The following JAZF1 variants were observed in gnomAD, a reference collection of about 807,000 sequenced individuals.
JAZF1 encodes juxtaposed with another zinc finger protein 1.
JAZF1 carries 8 observed loss-of-function variants against 26.4 expected under a neutral mutation model. The ratio of observed to expected loss-of-function variants is 0.30; its 90% CI spans 0.18 to 0.55. JAZF1 has a LOEUF of 0.55. JAZF1 is among the 20% of genes least tolerant of loss of function. The probability of loss-of-function intolerance (pLI) is 0.94; values close to 1 mark genes in which losing one functional copy is unlikely to be tolerated. For synonymous variants in JAZF1, 126 were observed against 122.3 expected, an observed-to-expected ratio of 1.03 and a Z score of -0.20; for missense variants, 199 against 322.0, an observed-to-expected ratio of 0.62 and a Z score of 2.92.
In JAZF1 at chr7:27,860,897, T is replaced by G. The variant is rs189534056; in HGVS notation, c.386-20030A>C. On this transcript the variant is annotated intron_variant, in intron 3 of 4. Coordinates refer to ENST00000283928, the MANE Select transcript of JAZF1 (RefSeq NM_175061.4). ...GTCCCTCCTTTTTCCTAAGAGACAG[T>G]CTTTGGGCACCTGGTGCCCTCTGTC... Among the ~76,000 whole-genome samples, 239 of 152,192 alleles carry G rather than the reference T, an allele frequency of 1.6e-3. 1 individual carries two copies. Among genetic ancestry groups the G allele is most frequent in the African/African-American group, 5.4e-3 (224 of 41,522 alleles).
At chr7:27,888,919 A>G (rs936694002) in intron 3 of JAZF1, among the ~76,000 whole-genome samples, 21 of 152,216 alleles carry the variant, frequency 1.4e-4, no homozygotes, top group African/African-American at 4.6e-4. Context: ...AAACCCAGCC[A>G]GCTCTTTCCA....
At chr7:28,168,502 G>C (rs1160998273) in intron 1 of JAZF1, among the ~76,000 whole-genome samples, 1 of 151,916 alleles carries the variant, frequency 6.6e-6, no homozygotes, top group Non-Finnish European at 1.5e-5. Context: ...ACTCCAACAT[G>C]GCAACACTGG....
At chr7:27,902,700 G>A (rs1784185208) in intron 2 of JAZF1, among the ~76,000 whole-genome samples, 1 of 152,194 alleles carries the variant, frequency 6.6e-6, no homozygotes, top group African/African-American at 2.4e-5. Context: ...CTTAACAAAT[G>A]TCAGGTTCCT....
At chr7:28,046,464 T>G (rs1783497953) in intron 1 of JAZF1, among the ~76,000 whole-genome samples, 1 of 152,228 alleles carries the variant, frequency 6.6e-6, no homozygotes, top group Non-Finnish European at 1.5e-5. Flanking sequence ...AGGGGACATT[T>G]AGGCTGTCCC....
At chr7:28,179,935 C>A (rs1391967214) in intron 1 of JAZF1, among the ~76,000 whole-genome samples, 1 of 145,396 alleles carries the variant, frequency 6.9e-6, no homozygotes, top group Non-Finnish European at 1.5e-5. Context: ...TCCACCTCCC[C>A]GCGGCTGCAG....
At chr7:28,094,149 G>C (rs1784344737) in intron 1 of JAZF1, among the ~76,000 whole-genome samples, 1 of 152,224 alleles carries the variant, frequency 6.6e-6, no homozygotes, top group Non-Finnish European at 1.5e-5. Flanking sequence ...AATCAGCAAT[G>C]TAACCCTCTG....
chr7:28,091,242 CTG>C (rs1277317050), intron 1 of JAZF1, among the ~76,000 whole-genome samples: 1 of 152,038 alleles, frequency 6.6e-6, no homozygotes, highest in Admixed American at 6.5e-5. Flanking sequence ...GCACTTTCTT[CTG>C]TCAACCTGAA....
chr7:28,123,127 T>C (rs912218303), intron 1 of JAZF1, among the ~76,000 whole-genome samples: 2 of 151,574 alleles, frequency 1.3e-5, no homozygotes, highest in African/African-American at 2.4e-5. Flanking sequence ...CTAGCCACAC[T>C]GCCCTTTTCT....
intron 2 of JAZF1, among the ~76,000 whole-genome samples, chr7:27,916,192 G>A (rs1393209275): frequency 6.6e-6 from 1 of 151,478 alleles, no homozygotes; most frequent in African/African-American, 2.4e-5. Flanking sequence ...AAGGACATTA[G>A]TTACACCTAA....
intron 1 of JAZF1, among the ~76,000 whole-genome samples, chr7:28,108,035 C>T (rs958861079): frequency 2.6e-5 from 4 of 152,168 alleles, no homozygotes; most frequent in Admixed American, 1.3e-4. Context: ...CTGATCAGAC[C>T]TGGGGGGTGG....
In JAZF1 at chr7:27,992,336, T is replaced by C. The variant is rs144552599; in HGVS notation, c.116-355A>G. On this transcript the variant is annotated intron_variant, in intron 1 of 4. Transcript: ENST00000283928. ...GAAAGAAAGTCTCTGTTAATTATGC[T>C]CACTTCAATGCTGGAACAAATTAGT... 1,285 of 407,772 alleles carry C rather than the reference T, an allele frequency of 3.2e-3. 14 individuals carry two copies. The highest frequency in any genetic ancestry group is 0.026 in the African/African-American group (1,229 of 47,640). 25.3% of individuals were successfully genotyped at this position (407,772 alleles called of 1,614,324 possible). A position where few individuals can be genotyped will look rare whatever the true frequency, so the allele number is the denominator to read the frequency against.
chr7:28,068,937 C>T (rs1052870027), intron 1 of JAZF1, among the ~76,000 whole-genome samples: 1 of 152,220 alleles, frequency 6.6e-6, no homozygotes, highest in African/African-American at 2.4e-5. Flanking sequence ...TGCCTGGTAT[C>T]ATAGCAACCA....
Position 28,169,908 on chromosome 7 carries a change from C to T in JAZF1, c.115+10555G>A, listed in dbSNP as rs76256603. Reference sequence around the variant, plus strand: ...AATGAATTAGGTAAGAAAACGAGTGCTTCAATTTTAAGCCCAGATGTGCTC... The same window carrying T: ...AATGAATTAGGTAAGAAAACGAGTGTTTCAATTTTAAGCCCAGATGTGCTC... On this transcript the variant is annotated intron_variant, in intron 1 of 4. Coordinates refer to ENST00000283928, the MANE Select transcript of JAZF1 (RefSeq NM_175061.4). Among the ~76,000 whole-genome samples the T allele has an allele frequency of 0.012, 1,872 of 152,220 alleles. 127 individuals are homozygous for T. The East Asian group carries it at 0.22, about 18-fold the overall frequency.
chr7:28,170,335 A>ATGTGTG (rs1783436475), intron 1 of JAZF1, among the ~76,000 whole-genome samples: 3 of 140,082 alleles, frequency 2.1e-5, no homozygotes, highest in South Asian at 2.4e-4. Context: ...AGAGAAGTTG[A>ATGTGTG]TATGTGTGTG....
chr7:28,082,747 C>T lies in JAZF1; in HGVS notation c.116-90766G>A, dbSNP rs897067683. Among the ~76,000 whole-genome samples, 3 of 152,150 alleles carry T rather than the reference C, an allele frequency of 2.0e-5. No individual in the cohort carries two copies. The South Asian group carries it at 6.2e-4, about 32-fold the overall frequency. ...CATAAATCCCCAAGGACTGTGCATC[C>T]ACCTGCTGAACATCACCAAAGTCCA... is the stretch of plus-strand genomic sequence containing the variant. On this transcript the variant is annotated intron_variant, in intron 1 of 4. Transcript: ENST00000283928.
At chr7:28,127,565 G>A (rs1346488359) in intron 1 of JAZF1, among the ~76,000 whole-genome samples, 1 of 151,936 alleles carries the variant, frequency 6.6e-6, no homozygotes, top group Non-Finnish European at 1.5e-5. Context: ...AAAAAAAAGT[G>A]CCAAAAAGTT....
At chr7:28,110,849 C>T (rs967727388) in intron 1 of JAZF1, among the ~76,000 whole-genome samples, 4 of 152,136 alleles carry the variant, frequency 2.6e-5, no homozygotes, top group African/African-American at 4.8e-5. Context: ...AAATCACACT[C>T]GCAACCTGGG....
At chr7:28,149,215 T>C (rs1438601533) in intron 1 of JAZF1, among the ~76,000 whole-genome samples, 2 of 152,152 alleles carry the variant, frequency 1.3e-5, no homozygotes, top group Non-Finnish European at 2.9e-5. Context: ...CAATTTCTCA[T>C]ATCTTAGCAA....
At chr7:28,095,424 G>T (rs1784368233) in intron 1 of JAZF1, among the ~76,000 whole-genome samples, 1 of 152,070 alleles carries the variant, frequency 6.6e-6, no homozygotes, top group African/African-American at 2.4e-5. Context: ...CCAAGTGAAG[G>T]GGGAGGAGCC....
Sources: allele counts gnomAD v4.1 joint callset (sites outside exome capture counted in the v4.1 genomes callset), GRCh38; gene constraint gnomAD v4.1.1; transcripts MANE v1.5; gene names NCBI Gene and HGNC (gene_info 2026-07-23, HGNC 2026-07-21).